TMEM132D: variants seen among roughly 807,000 people sequenced by gnomAD.
The protein encoded by TMEM132D is transmembrane protein 132D, also known as mature OL transmembrane protein.
A neutral mutation model predicts 62.3 loss-of-function variants in TMEM132D; 21 were observed. The ratio of observed to expected loss-of-function variants is 0.34; its 90% CI spans 0.24 to 0.49. TMEM132D has a LOEUF of 0.49. TMEM132D is among the 20% of genes least tolerant of loss of function. TMEM132D has a pLI of 0.99. For synonymous variants in TMEM132D, 621 were observed against 575.6 expected, an observed-to-expected ratio of 1.08 and a Z score of -1.13; for missense variants, 1,346 against 1,402.8, an observed-to-expected ratio of 0.96 and a Z score of 0.65.
intron 1 of TMEM132D, among the ~76,000 whole-genome samples, chr12:129,748,215 G>C (rs1048759953): frequency 2.6e-5 from 4 of 152,182 alleles, no homozygotes; most frequent in Non-Finnish European, 5.9e-5. Context: ...GATACAAAAA[G>C]GCATTTGAGT....
At chr12:129,713,195 G>C (rs916865401) in intron 1 of TMEM132D, among the ~76,000 whole-genome samples, 7 of 151,954 alleles carry the variant, frequency 4.6e-5, no homozygotes, top group African/African-American at 9.7e-5. Flanking sequence ...ATGCTCTAGG[G>C]GCCCAACCTC....
chr12:129,329,448 G>T (rs1245842651), intron 4 of TMEM132D, among the ~76,000 whole-genome samples: 1 of 152,128 alleles, frequency 6.6e-6, no homozygotes, highest in Non-Finnish European at 1.5e-5. Flanking sequence ...CACAAGAAAA[G>T]AATGCTATGA....
intron 4 of TMEM132D, among the ~76,000 whole-genome samples, chr12:129,314,932 T>A (rs1024248726): frequency 1.3e-5 from 2 of 152,184 alleles, no homozygotes; most frequent in Non-Finnish European, 2.9e-5. Context: ...AGTTCTTGAT[T>A]TGATTCTCCA....
chr12:129,343,200 G>T (rs567269809), intron 3 of TMEM132D, among the ~76,000 whole-genome samples: 1 of 152,190 alleles, frequency 6.6e-6, no homozygotes, highest in Non-Finnish European at 1.5e-5. Flanking sequence ...TGATAGACTG[G>T]ATTAAGAAAA....
At chr12:129,534,198 C>T (rs1022846556) in intron 2 of TMEM132D, among the ~76,000 whole-genome samples, 7 of 91,618 alleles carry the variant, frequency 7.6e-5, no homozygotes, top group Admixed American at 2.3e-4. Flanking sequence ...GTTACACTGA[C>T]AGCCTCATTA....
intron 5 of TMEM132D, among the ~76,000 whole-genome samples, chr12:129,124,023 A>G (rs1478465588): frequency 2.6e-5 from 4 of 152,138 alleles, no homozygotes; most frequent in Non-Finnish European, 5.9e-5. Flanking sequence ...CAATTCCTAT[A>G]ATAAATCTCC....
At chr12:129,251,511 C>T (rs984353867) in intron 4 of TMEM132D, among the ~76,000 whole-genome samples, 10 of 152,132 alleles carry the variant, frequency 6.6e-5, no homozygotes, top group Non-Finnish European at 1.5e-4. Context: ...TGTTTGCCTG[C>T]AGGCATCTCG....
intron 1 of TMEM132D, chr12:129,854,451 T>G (rs1052312521): frequency 1.3e-5 from 2 of 152,162 alleles, no homozygotes; most frequent in African/African-American, 2.4e-5. Context: ...GATCGCCAAG[T>G]GGGGCAAGAA....
intron 6 of TMEM132D, 109 bp downstream of exon 6, chr12:129,084,388 G>T: frequency 9.1e-7 from 1 of 1,103,486 alleles, no homozygotes; most frequent in Non-Finnish European, 1.3e-6. Flanking sequence ...GGTGGAGGGA[G>T]GCTTGGTCCT....
intron 3 of TMEM132D, among the ~76,000 whole-genome samples, chr12:129,342,768 T>C (rs1334847496): frequency 6.6e-6 from 1 of 152,130 alleles, no homozygotes; most frequent in Admixed American, 6.5e-5. Flanking sequence ...GGGCGAAGGA[T>C]ATGAACAGAC....
At chr12:129,292,745 G>C (rs1483148286) in intron 4 of TMEM132D, among the ~76,000 whole-genome samples, 1 of 152,194 alleles carries the variant, frequency 6.6e-6, no homozygotes, top group Non-Finnish European at 1.5e-5. Context: ...CATATTCATA[G>C]TTAATTATGC....
At chr12:129,078,044 C>T (rs1027722329) in intron 8 of TMEM132D, among the ~76,000 whole-genome samples, 5 of 152,228 alleles carry the variant, frequency 3.3e-5, no homozygotes, top group African/African-American at 1.2e-4. Context: ...CTGCCTTGAG[C>T]TGAACAATGA....
At chr12:129,280,949 A>T (rs896287442) in intron 4 of TMEM132D, among the ~76,000 whole-genome samples, 5 of 152,028 alleles carry the variant, frequency 3.3e-5, no homozygotes, top group African/African-American at 1.2e-4. Flanking sequence ...GTAATATCTA[A>T]GGTCATTTTC....
chr12:129,493,869 C>A (rs1288562477), intron 3 of TMEM132D, among the ~76,000 whole-genome samples: 1 of 152,170 alleles, frequency 6.6e-6, no homozygotes, highest in East Asian at 1.9e-4. Flanking sequence ...CAATTCTCCA[C>A]CCGGGTTTGC....
At chr12:129,800,067 C>T (rs1183161775) in intron 1 of TMEM132D, among the ~76,000 whole-genome samples, 1 of 152,138 alleles carries the variant, frequency 6.6e-6, no homozygotes, top group Non-Finnish European at 1.5e-5. Context: ...TAAAAAAAGT[C>T]TTCTAGATGA....
intron 3 of TMEM132D, among the ~76,000 whole-genome samples, chr12:129,440,517 T>C (rs1345021864): frequency 1.3e-5 from 2 of 152,216 alleles, no homozygotes; most frequent in Admixed American, 1.3e-4. Context: ...GTGGGGTTTC[T>C]CTAGGCTCGG....
At chr12:129,251,861 C>T (rs143926066) in intron 4 of TMEM132D, among the ~76,000 whole-genome samples, 1 of 152,230 alleles carries the variant, frequency 6.6e-6, no homozygotes, top group African/African-American at 2.4e-5. Context: ...GATGCAGTGA[C>T]CCCTTGATCA....
intron 1 of TMEM132D, among the ~76,000 whole-genome samples, chr12:129,702,798 G>C (rs1453273674): frequency 6.6e-6 from 1 of 152,162 alleles, no homozygotes; most frequent in Non-Finnish European, 1.5e-5. Flanking sequence ...ATAAATATTT[G>C]ATAAACACGT....
intron 1 of TMEM132D, among the ~76,000 whole-genome samples, chr12:129,705,361 C>T (rs956597890): frequency 3.3e-5 from 5 of 152,002 alleles, no homozygotes; most frequent in African/African-American, 9.6e-5. Context: ...ACAGTTGCAT[C>T]AAGGGTAAAG....
Sources: allele counts gnomAD v4.1 joint callset (sites outside exome capture counted in the v4.1 genomes callset), GRCh38; gene constraint gnomAD v4.1.1; transcripts MANE v1.5; gene names NCBI Gene and HGNC (gene_info 2026-07-23, HGNC 2026-07-21).